CEP128: variants seen among roughly 807,000 people sequenced by gnomAD.
CEP128 encodes centrosomal protein 128.
Under a neutral mutation model 156.7 loss-of-function variants are expected in CEP128, and 132 were observed. The ratio of observed to expected loss-of-function variants is 0.84; its 90% CI spans 0.73 to 0.97. The LOEUF (loss-of-function observed/expected upper bound fraction) is 0.97, where lower values mean the gene tolerates loss of function less well. Among genes scored for constraint, CEP128 ranks in the 50% least tolerant of loss-of-function variants. The pLI is 0.00. For missense variants in CEP128, 1,252 were observed against 1,281.9 expected (o/e 0.98, Z 0.36); for synonymous variants, 469 against 448.9 (o/e 1.04, Z -0.57).
intron 21 of CEP128, among the ~76,000 whole-genome samples, chr14:80,533,066 C>T (rs933181696): frequency 1.3e-5 from 2 of 152,104 alleles, no homozygotes; most frequent in Admixed American, 6.5e-5. Flanking sequence ...CTAATTTTTT[C>T]ATGTGTAGGA....
At chr14:80,493,485 A>C (rs1469103358), downstream of CEP128, among the ~76,000 whole-genome samples, 1 of 152,210 alleles carries the variant, frequency 6.6e-6, no homozygotes, top group African/African-American at 2.4e-5. Context: ...ATATTCCTGT[A>C]GAGAGCAAGG....
intron 14 of CEP128, 120 bp from the exon 15 acceptor site, chr14:80,785,665 T>A: frequency 1.4e-6 from 1 of 714,522 alleles, no homozygotes; most frequent in Non-Finnish European, 2.2e-6. Context: ...ATTCATCAAA[T>A]AATTTTTGTA....
chr14:80,501,485 T>TTTTC (rs1887730321), intron 24 of CEP128, among the ~76,000 whole-genome samples: 1 of 152,148 alleles, frequency 6.6e-6, no homozygotes, highest in South Asian at 2.1e-4. Context: ...ATTTACCTCC[T>TTTTC]TTTCTTTCTT....
intron 18 of CEP128, among the ~76,000 whole-genome samples, chr14:80,753,627 T>A (rs1190566543): frequency 6.6e-6 from 1 of 152,196 alleles, no homozygotes; most frequent in Non-Finnish European, 1.5e-5. Context: ...CTTTGGTACT[T>A]CTCACTTCTT....
rs144102198 is a variant in CEP128 at position 80,768,515 on chromosome 14, C to T, written c.2377-6902G>A. Among the ~76,000 whole-genome samples the T allele has an allele frequency of 4.0e-3, 602 of 152,262 alleles. 3 individuals are homozygous for T. The highest frequency in any genetic ancestry group is 0.013 in the African/African-American group (554 of 41,554). On this transcript the variant is annotated intron_variant, in intron 16 of 24. Transcript: ENST00000555265. ...GGTTAGATACACTGTCTTCCTTCTC[C>T]TCTGATAAGTAGAGGATTGCTTTAT...
At chr14:80,725,934 C>T (rs1898004615) in intron 19 of CEP128, among the ~76,000 whole-genome samples, 1 of 152,150 alleles carries the variant, frequency 6.6e-6, no homozygotes, top group African/African-American at 2.4e-5. Context: ...ATGCTCTAAC[C>T]ATTCAATTAC....
chr14:80,847,445 C>A (rs895056556), intron 9 of CEP128, among the ~76,000 whole-genome samples: 1 of 152,034 alleles, frequency 6.6e-6, no homozygotes, highest in African/African-American at 2.4e-5. Flanking sequence ...TTTGTTACCA[C>A]AAGTAACAAA....
At chr14:80,690,416 CAAAA>C (rs113493547) in intron 19 of CEP128, among the ~76,000 whole-genome samples, 1 of 118,288 alleles carries the variant, frequency 8.5e-6, no homozygotes. Context: ...AACTCCATCT[CAAAA>C]AAAAAAAAAA....
intron 9 of CEP128, among the ~76,000 whole-genome samples, chr14:80,845,789 T>C (rs1886569635): frequency 6.6e-6 from 1 of 152,196 alleles, no homozygotes; most frequent in South Asian, 2.1e-4. Context: ...GGTTTTTGTT[T>C]GTACAATATT....
chr14:80,724,790 A>T lies in CEP128; in HGVS notation c.2806+18285T>A, dbSNP rs189753652. ...TGTTTTACCTTGCTGTTACAAAAATATATCAGAGGCTTAATGTTTTTTTCT... is the reference window on the plus strand; with the variant it reads ...TGTTTTACCTTGCTGTTACAAAAATTTATCAGAGGCTTAATGTTTTTTTCT... On this transcript the variant is annotated intron_variant, in intron 19 of 24. Transcript: ENST00000555265. 2.1e-3 allele frequency among the ~76,000 whole-genome samples: 325 copies of T among 152,018 alleles called. 2 individuals carry two copies. The highest frequency in any genetic ancestry group is 7.6e-3 in the African/African-American group (317 of 41,526).
chr14:80,786,796 T>C (rs1901431792), intron 14 of CEP128, among the ~76,000 whole-genome samples: 2 of 152,062 alleles, frequency 1.3e-5, no homozygotes, highest in African/African-American at 4.8e-5. Flanking sequence ...GGGAGGTGTT[T>C]ATGCAAGGTA....
intron 8 of CEP128, among the ~76,000 whole-genome samples, chr14:80,888,071 T>C (rs985962601): frequency 6.6e-6 from 1 of 152,064 alleles, no homozygotes; most frequent in Admixed American, 6.6e-5. Context: ...CTCCCAAGAC[T>C]AAACCAGGAA....
intron 20 of CEP128, among the ~76,000 whole-genome samples, chr14:80,562,336 T>C (rs1230620253): frequency 2.0e-5 from 2 of 101,034 alleles, no homozygotes; most frequent in East Asian, 8.2e-4. Context: ...AAAATTTAGT[T>C]CATTAACCTT....
At chr14:80,720,600 CG>C (rs1897780463) in intron 19 of CEP128, among the ~76,000 whole-genome samples, 1 of 152,146 alleles carries the variant, frequency 6.6e-6, no homozygotes, top group Non-Finnish European at 1.5e-5. Flanking sequence ...AATTATGTAA[CG>C]TAAGTCTTGG....
rs182518052 is a variant in CEP128 at position 80,739,227 on chromosome 14, T to C, written c.2806+3848A>G. On this transcript the variant is annotated intron_variant, in intron 19 of 24. Transcript: ENST00000555265. ...ATGTTCATCCTTTTTTTTGAGCTTA[T>C]ATAACACAAAGATTAGACCCAATTA... 5.4e-4 allele frequency among the ~76,000 whole-genome samples: 82 copies of C among 152,260 alleles called. 2 individuals carry two copies. Among genetic ancestry groups the C allele is most frequent in the Admixed American group, 4.9e-3 (75 of 15,276 alleles).
downstream of CEP128, among the ~76,000 whole-genome samples, chr14:80,487,701 T>C (rs925830182): frequency 8.5e-5 from 13 of 152,116 alleles, no homozygotes; most frequent in Admixed American, 8.5e-4. Context: ...GCAATCAAAC[T>C]AGAACTCAGG....
intron 19 of CEP128, among the ~76,000 whole-genome samples, chr14:80,618,120 T>C (rs1283327593): frequency 6.6e-6 from 1 of 152,232 alleles, no homozygotes; most frequent in Non-Finnish European, 1.5e-5. Flanking sequence ...AAGATAAGTA[T>C]GCAACATTCC....
chr14:80,869,687 T>A (rs963246315), intron 8 of CEP128, among the ~76,000 whole-genome samples: 2 of 152,038 alleles, frequency 1.3e-5, no homozygotes, highest in Admixed American at 6.6e-5. Flanking sequence ...TATTTTAGGT[T>A]CAGGGGTACA....
chr14:80,956,744 C>T, intron 2 of CEP128, among the ~76,000 whole-genome samples: 1 of 152,068 alleles, frequency 6.6e-6, no homozygotes, highest in East Asian at 1.9e-4. Context: ...GAAAGTTGCA[C>T]CTCTAGATTT....
Sources: allele counts gnomAD v4.1 joint callset (sites outside exome capture counted in the v4.1 genomes callset), GRCh38; gene constraint gnomAD v4.1.1; transcripts MANE v1.5; gene names NCBI Gene and HGNC (gene_info 2026-07-23, HGNC 2026-07-21).